UTRN: variants seen among roughly 807,000 people sequenced by gnomAD.
The protein encoded by UTRN is dystrophin-related protein 1.
In UTRN, 283 loss-of-function variants were observed where a neutral mutation model predicts 463.9. The ratio of observed to expected loss-of-function variants is 0.61; its 90% CI spans 0.55 to 0.67. The LOEUF (loss-of-function observed/expected upper bound fraction) is 0.67. UTRN is among the 30% of genes least tolerant of loss of function. UTRN has a pLI of 0.00. For synonymous variants in UTRN, 1,442 were observed against 1,431.5 expected, an observed-to-expected ratio of 1.01 and a Z score of -0.17; for missense variants, 3,922 against 4,084.3, an observed-to-expected ratio of 0.96 and a Z score of 1.08.
intron 66 of UTRN, 71 bp downstream of exon 66, chr6:144,821,089 C>A: frequency 6.5e-7 from 1 of 1,526,938 alleles, no homozygotes. Context: ...ATGTTAGTAA[C>A]ACAAGAGAAA....
At chr6:144,757,420 CTTCTTTTTAAATGT>C (rs1792124880) in intron 57 of UTRN, among the ~76,000 whole-genome samples, 1 of 151,794 alleles carries the variant, frequency 6.6e-6, no homozygotes, top group Non-Finnish European at 1.5e-5. Flanking sequence ...TTTTAAATTC[CTTCTTTTTAAATGT>C]TATAGAATTG....
At chr6:144,793,760 C>G in intron 62 of UTRN, 74 bp from the exon 63 acceptor site, 1 of 1,544,852 alleles carries the variant, frequency 6.5e-7, no homozygotes, top group Non-Finnish European at 8.7e-7. Context: ...GTTCAGTCCA[C>G]ATTACCAAAG....
chr6:144,842,087 G>A (rs1473464927), intron 73 of UTRN, among the ~76,000 whole-genome samples: 1 of 124,572 alleles, frequency 8.0e-6, no homozygotes, highest in African/African-American at 3.1e-5. Flanking sequence ...TCCAGCCTGG[G>A]AGACAGCGTG....
rs118055916 is a variant in UTRN, at chr6:144,295,980, C to T, written c.79+4073C>T. 1.2e-3 allele frequency among the ~76,000 whole-genome samples: 187 copies of T among 152,336 alleles called. No individual in the cohort carries two copies. The East Asian group carries it at 0.03, about 24-fold the overall frequency. ...AGATGTAGGCCTAATGTCACCTCTT[C>T]AGAGATCTTCCTTGCTGACTTTAGA... On this transcript the variant is annotated intron_variant, in intron 2 of 74. Transcript: ENST00000367545.
chr6:144,389,607 T>C (rs1008984934), intron 2 of UTRN, among the ~76,000 whole-genome samples: 3 of 151,596 alleles, frequency 2.0e-5, no homozygotes, highest in Non-Finnish European at 2.9e-5. Context: ...TCTTTTTTTT[T>C]TCCCCCCCTG....
chr6:144,520,579 T>C (rs1017665931), intron 39 of UTRN, among the ~76,000 whole-genome samples: 4 of 152,326 alleles, frequency 2.6e-5, no homozygotes, highest in Admixed American at 2.6e-4. Context: ...AACCTGGCTA[T>C]CCAGAACTAC....
At chr6:144,414,056 C>T (rs1380257447) in intron 3 of UTRN, among the ~76,000 whole-genome samples, 1 of 151,994 alleles carries the variant, frequency 6.6e-6, no homozygotes, top group African/African-American at 2.4e-5. Context: ...CCGCCTTGGC[C>T]TCCCAAAGTG....
At chr6:144,679,804 G>T (rs1335133188) in intron 52 of UTRN, among the ~76,000 whole-genome samples, 2 of 152,040 alleles carry the variant, frequency 1.3e-5, no homozygotes, top group Non-Finnish European at 2.9e-5. Flanking sequence ...GTATTGAAAG[G>T]TTTTTATTCT....
At chr6:144,682,063 A>C (rs527418003) in intron 52 of UTRN, among the ~76,000 whole-genome samples, 26 of 152,252 alleles carry the variant, frequency 1.7e-4, no homozygotes, top group Non-Finnish European at 3.1e-4. Context: ...TTGTTTTGCT[A>C]TCAAATACTG....
At chr6:144,571,229 GT>G (rs1335639867) in intron 50 of UTRN, among the ~76,000 whole-genome samples, 2 of 151,426 alleles carry the variant, frequency 1.3e-5, no homozygotes, top group African/African-American at 4.9e-5. Context: ...TGTTTTTTCT[GT>G]TGATGTTTTA....
chr6:144,611,203 A>C (rs1805485496), intron 51 of UTRN, among the ~76,000 whole-genome samples: 1 of 152,228 alleles, frequency 6.6e-6, no homozygotes, highest in African/African-American at 2.4e-5. Context: ...TATTAGCTGT[A>C]GAGGGAATGT....
intron 60 of UTRN, among the ~76,000 whole-genome samples, chr6:144,780,513 T>C (rs1385450098): frequency 6.6e-6 from 1 of 152,202 alleles, no homozygotes; most frequent in Non-Finnish European, 1.5e-5. Flanking sequence ...GGACTCTAAT[T>C]TTCCTTACTC....
At chr6:144,452,762 C>A (rs1319289079) in intron 18 of UTRN, among the ~76,000 whole-genome samples, 1 of 151,190 alleles carries the variant, frequency 6.6e-6, no homozygotes, top group Non-Finnish European at 1.5e-5. Context: ...TAGGGAGACC[C>A]CCGTCTCTAC....
At chr6:144,653,326 C>T (rs941850913) in intron 51 of UTRN, among the ~76,000 whole-genome samples, 1 of 152,160 alleles carries the variant, frequency 6.6e-6, no homozygotes, top group Non-Finnish European at 1.5e-5. Context: ...TGGCTCACGC[C>T]TGTAATCCTA....
chr6:144,778,536 G>A (rs1435913257), intron 60 of UTRN, among the ~76,000 whole-genome samples: 1 of 151,970 alleles, frequency 6.6e-6, no homozygotes, highest in Non-Finnish European at 1.5e-5. Flanking sequence ...CAGGCTCACA[G>A]AATGAAATGC....
intron 52 of UTRN, among the ~76,000 whole-genome samples, chr6:144,692,830 C>T (rs1373040272): frequency 1.3e-5 from 2 of 152,016 alleles, no homozygotes; most frequent in Non-Finnish European, 2.9e-5. Context: ...AATTTTTTCC[C>T]ATTCTGTATG....
At chr6:144,819,944 A>G (rs750488399) in intron 65 of UTRN, among the ~76,000 whole-genome samples, 12 of 139,700 alleles carry the variant, frequency 8.6e-5, no homozygotes, top group Non-Finnish European at 1.4e-4. Context: ...TTCTGTCTCT[A>G]AGAGGAGGGA....
At position 144,444,364 on chromosome 6, in the gene UTRN, G is replaced by A. The variant is rs1281755734; in HGVS notation, c.1596G>A (p.Gln532=). ...TACAAGAAATCAATATATTGTGGCA[G>A]GAATTATTGGAAGAACAGGTATGAA... ...NRLQEINILW[Q]ELLEEQCLLK... Residue 532 remains glutamine, a synonymous_variant, in exon 14 of 75, where the codon CAG becomes CAA. Coordinates refer to ENST00000367545, the MANE Select transcript of UTRN (RefSeq NM_007124.3). 1.9e-6 allele frequency: 3 copies of A among 1,608,456 alleles called. No homozygotes were observed. The highest frequency in any genetic ancestry group is 2.5e-6 in the Non-Finnish European group (3 of 1,176,836).
At chr6:144,841,132 C>G (rs1465495472) in intron 73 of UTRN, among the ~76,000 whole-genome samples, 1 of 152,148 alleles carries the variant, frequency 6.6e-6, no homozygotes, top group Non-Finnish European at 1.5e-5. Context: ...AAATTATCCT[C>G]TTCGATGCAA....
Sources: gnomAD v4.1 joint callset for allele counts (sites outside exome capture counted in the v4.1 genomes callset) on GRCh38, gnomAD v4.1.1 for gene constraint, MANE v1.5 for transcripts, NCBI Gene and HGNC (gene_info 2026-07-23, HGNC 2026-07-21) for gene names.